The following FHL5 variants were observed in gnomAD, a reference collection of about 807,000 sequenced individuals.
FHL5 encodes the protein four and a half LIM domains 5.
FHL5 carries 33 observed loss-of-function variants against 32.0 expected under a neutral mutation model. That is an observed-to-expected ratio of 1.03 (90% CI 0.78 to 1.38). The LOEUF (loss-of-function observed/expected upper bound fraction) is 1.38, where lower values mean the gene tolerates loss of function less well. Ranked by LOEUF, FHL5 falls within the 40% of genes most tolerant of loss-of-function variation. The pLI is 0.00. For missense variants in FHL5, 336 were observed against 343.9 expected, an observed-to-expected ratio of 0.98 and a Z score of 0.18; for synonymous variants, 114 against 113.6, an observed-to-expected ratio of 1.00 and a Z score of -0.02.
chr6:96,566,685 G>A (rs1327593284), intron 1 of FHL5, among the ~76,000 whole-genome samples: 1 of 151,498 alleles, frequency 6.6e-6, no homozygotes, highest in Non-Finnish European at 1.5e-5. Context: ...CTTGGTAATA[G>A]CCATTCTAAC....
chr6:96,586,950 C>T (rs758328893), intron 1 of FHL5, among the ~76,000 whole-genome samples: 1 of 152,178 alleles, frequency 6.6e-6, no homozygotes, highest in African/African-American at 2.4e-5. Context: ...AGATGAAACA[C>T]GGCTTTGCCA....
intron 1 of FHL5, among the ~76,000 whole-genome samples, chr6:96,588,780 T>C (rs2127966051): frequency 6.6e-6 from 1 of 152,266 alleles, no homozygotes; most frequent in South Asian, 2.1e-4. Context: ...TATATTTTGT[T>C]TTCTAACTCT....
chr6:96,588,374 C>A (rs1770844420), intron 1 of FHL5, among the ~76,000 whole-genome samples: 1 of 152,140 alleles, frequency 6.6e-6, no homozygotes, highest in African/African-American at 2.4e-5. Flanking sequence ...CCATGCCTGG[C>A]TAATTTTGTA....
At chr6:96,577,295 T>G (rs1331166914) in intron 1 of FHL5, among the ~76,000 whole-genome samples, 1 of 152,110 alleles carries the variant, frequency 6.6e-6, no homozygotes, top group African/African-American at 2.4e-5. Flanking sequence ...AGAGGCAGAT[T>G]ATTTTGCTTC....
At chr6:96,602,422 G>GTTT (rs1562062430) in intron 1 of FHL5, among the ~76,000 whole-genome samples, 9 of 26,596 alleles carry the variant, frequency 3.4e-4, no homozygotes, top group Non-Finnish European at 3.3e-4. Flanking sequence ...TATATGCGTT[G>GTTT]TTTCTTTTTT....
chr6:96,608,772 G>C (rs1771337929), intron 4 of FHL5, among the ~76,000 whole-genome samples: 2 of 152,150 alleles, frequency 1.3e-5, no homozygotes, highest in South Asian at 2.1e-4. Flanking sequence ...TGAAAACCAA[G>C]CTTAGATATT....
chr6:96,615,790 C>A lies in FHL5; in HGVS notation c.*18C>A. On this transcript the variant is annotated 3_prime_UTR_variant, in exon 6 of 6. Coordinates refer to ENST00000450218, the MANE Select transcript of FHL5 (RefSeq NM_001322466.2). Reference sequence around the variant, plus strand: ...ACATCTAGGAGACAGTCCTTGCCCACCTAAAATCCATTTTGCCTTCGTTGT... The same window carrying A: ...ACATCTAGGAGACAGTCCTTGCCCAACTAAAATCCATTTTGCCTTCGTTGT... 6.5e-7 allele frequency: 1 copy of A among 1,548,484 alleles called. No homozygotes were observed. The highest frequency in any genetic ancestry group is 8.7e-7 in the Non-Finnish European group (1 of 1,145,694).
chr6:96,586,294 A>C (rs2127965079), intron 1 of FHL5, among the ~76,000 whole-genome samples: 1 of 152,348 alleles, frequency 6.6e-6, no homozygotes, highest in East Asian at 1.9e-4. Flanking sequence ...TGAATCTGTG[A>C]GAGGACTTCA....
At chr6:96,611,505 A>T (rs1771407869) in intron 5 of FHL5, among the ~76,000 whole-genome samples, 2 of 152,238 alleles carry the variant, frequency 1.3e-5, no homozygotes, top group Non-Finnish European at 2.9e-5. Context: ...AGGAACTGAA[A>T]CTAGCATGAC....
chr6:96,586,067 C>A (rs1366176025), intron 1 of FHL5, among the ~76,000 whole-genome samples: 1 of 152,162 alleles, frequency 6.6e-6, no homozygotes, highest in East Asian at 1.9e-4. Context: ...TCTTCCTCTT[C>A]CCTCTGTTGC....
intron 4 of FHL5, among the ~76,000 whole-genome samples, chr6:96,607,401 GCACATACA>G (rs1771306216): frequency 2.1e-5 from 3 of 145,002 alleles, no homozygotes; most frequent in African/African-American, 7.7e-5. Flanking sequence ...GAACACACAT[GCACATACA>G]CACACACACA....
At chr6:96,567,577 G>C (rs1245167300) in intron 1 of FHL5, among the ~76,000 whole-genome samples, 6 of 151,700 alleles carry the variant, frequency 4.0e-5, no homozygotes, top group Non-Finnish European at 8.9e-5. Flanking sequence ...ACTTTTAGTA[G>C]TATTGTATTA....
At chr6:96,600,651 A>G (rs1771129070) in intron 1 of FHL5, among the ~76,000 whole-genome samples, 1 of 152,142 alleles carries the variant, frequency 6.6e-6, no homozygotes, top group Non-Finnish European at 1.5e-5. Context: ...TAGTTATAAT[A>G]CCTCTATTTT....
chr6:96,581,337 T>C (rs532348901), intron 1 of FHL5, among the ~76,000 whole-genome samples: 4 of 152,326 alleles, frequency 2.6e-5, no homozygotes, highest in Non-Finnish European at 5.9e-5. Context: ...CAATTTACAA[T>C]CTTTTCATAA....
intron 4 of FHL5, among the ~76,000 whole-genome samples, chr6:96,607,677 T>A (rs2127974067): frequency 6.6e-6 from 1 of 152,154 alleles, no homozygotes; most frequent in Non-Finnish European, 1.5e-5. Context: ...CCAGGGTCAA[T>A]GACGGCATTT....
At chr6:96,587,328 T>C (rs1001601927) in intron 1 of FHL5, among the ~76,000 whole-genome samples, 1 of 152,154 alleles carries the variant, frequency 6.6e-6, no homozygotes, top group African/African-American at 2.4e-5. Flanking sequence ...TGACTTCCTT[T>C]TGTTTCCTAA....
chr6:96,582,399 C>CT (rs1489744760), intron 1 of FHL5, among the ~76,000 whole-genome samples: 5 of 151,868 alleles, frequency 3.3e-5, no homozygotes, highest in African/African-American at 1.2e-4. Context: ...AAAAGCCCTT[C>CT]TTTTTTATTT....
rs1771169538 is a variant in FHL5, at chr6:96,602,426, C to CTTTCTTTTTTTTTTTTT, written c.-12-1173_-12-1172insCTTTTTTTTTTTTTTTT. ...ACCTGGAAATCTATATGCGTTGTTT[C>CTTTCTTTTTTTTTTTTT]TTTTTTTTTTTTTTTTTTTTTTTTT... On this transcript the variant is annotated intron_variant, in intron 1 of 5. Transcript: ENST00000450218. Among the ~76,000 whole-genome samples, 2 of 33,684 alleles carry CTTTCTTTTTTTTTTTTT rather than the reference C, an allele frequency of 5.9e-5. 1 individual carries two copies. 22.1% of individuals were successfully genotyped at this position (33,684 alleles called of 152,430 possible).
At chr6:96,610,528 G>A in intron 4 of FHL5, 44 bp from the exon 5 acceptor site, 1 of 1,427,624 alleles carries the variant, frequency 7.0e-7, no homozygotes, top group Non-Finnish European at 9.8e-7. Context: ...GATCTGAATT[G>A]TAATGGCTCC....
Sources: gnomAD v4.1 joint callset for allele counts (sites outside exome capture counted in the v4.1 genomes callset) on GRCh38, gnomAD v4.1.1 for gene constraint, MANE v1.5 for transcripts, NCBI Gene and HGNC (gene_info 2026-07-23, HGNC 2026-07-21) for gene names.